DNAAF11: variants seen among roughly 807,000 people sequenced by gnomAD.
The protein encoded by DNAAF11 is dynein axonemal assembly factor 11, also known as leucine rich repeat containing 6.
A neutral mutation model predicts 60.8 loss-of-function variants in DNAAF11; 45 were observed. The observed-to-expected ratio is 0.74, with a 90% CI of 0.58 to 0.95. The LOEUF (loss-of-function observed/expected upper bound fraction) is 0.95. Ranked by LOEUF, DNAAF11 falls within the 40% of genes least tolerant of loss-of-function variation. DNAAF11 has a pLI of 0.00. For missense variants in DNAAF11, 546 were observed against 546.2 expected (o/e 1.00, Z 0.00); for synonymous variants, 191 against 183.5 (o/e 1.04, Z -0.33).
At chr8:132,633,146 T>C (rs962713442) in intron 4 of DNAAF11, among the ~76,000 whole-genome samples, 183 bp from the exon 5 acceptor site, 2 of 152,118 alleles carry the variant, frequency 1.3e-5, no homozygotes, top group Non-Finnish European at 2.9e-5. Flanking sequence ...ATTTACACAG[T>C]TTAAAAAATA....
intron 10 of DNAAF11, among the ~76,000 whole-genome samples, chr8:132,598,514 G>T (rs1817252887): frequency 6.6e-6 from 1 of 152,170 alleles, no homozygotes; most frequent in Non-Finnish European, 1.5e-5. Context: ...ATGAATGTAG[G>T]TGGTAAAGTC....
intron 1 of DNAAF11, among the ~76,000 whole-genome samples, chr8:132,673,993 CGAA>C (rs961525841): frequency 6.0e-5 from 9 of 149,726 alleles, no homozygotes; most frequent in African/African-American, 2.0e-4. Context: ...CATAAAAAAG[CGAA>C]GAAGAAGGAG....
Position 132,647,928 on chromosome 8 carries a change from G to A in DNAAF11, c.256+8902C>T, listed in dbSNP as rs146892713. ...GATTCACAGCCGAATTCTATCAGAG[G>A]TACAAAGAGGAGCTGGTACCATTCC... On this transcript the variant is annotated intron_variant, in intron 3 of 11. Coordinates refer to ENST00000620350, the MANE Select transcript of DNAAF11 (RefSeq NM_012472.6). 1.8e-3 allele frequency among the ~76,000 whole-genome samples: 268 copies of A among 152,250 alleles called. 4 individuals are homozygous for A. The highest frequency in any genetic ancestry group is 2.3e-3 in the East Asian group (12 of 5,176).
chr8:132,617,654 A>G (rs994162552), intron 7 of DNAAF11, among the ~76,000 whole-genome samples: 4 of 152,146 alleles, frequency 2.6e-5, no homozygotes, highest in African/African-American at 9.7e-5. Flanking sequence ...AACTTCCAAC[A>G]CTATGTTGAA....
At chr8:132,629,368 G>C (rs1483326959) in intron 5 of DNAAF11, among the ~76,000 whole-genome samples, 1 of 135,982 alleles carries the variant, frequency 7.4e-6, no homozygotes, top group African/African-American at 2.8e-5. Context: ...TTTTTTTTAA[G>C]ACGGAGTCTC....
intron 4 of DNAAF11, among the ~76,000 whole-genome samples, chr8:132,633,197 ATAAT>A (rs972673795): frequency 6.6e-6 from 1 of 152,146 alleles, no homozygotes; most frequent in Non-Finnish European, 1.5e-5. Flanking sequence ...GTTAAAACTG[ATAAT>A]TAATACAAGC....
chr8:132,596,554 T>C lies in DNAAF11; in HGVS notation c.1141-12775A>G, dbSNP rs139897248. Among the ~76,000 whole-genome samples, 43 of 152,298 alleles carry C rather than the reference T, an allele frequency of 2.8e-4. No individual in the cohort carries two copies. The East Asian group carries it at 7.9e-3, about 28-fold the overall frequency. ...TGCTAGAGACAGTCTCTAAACATGC[T>C]GGAGAGGGTTTTGTGCCTTAGGAAA... On this transcript the variant is annotated intron_variant, in intron 10 of 11. Transcript: ENST00000620350.
the DNAAF11 span, among the ~76,000 whole-genome samples, chr8:132,691,446 C>T: frequency 6.6e-6 from 1 of 152,060 alleles, no homozygotes; most frequent in Admixed American, 6.6e-5. Flanking sequence ...AGTTATTCTC[C>T]AAGGATCCTT....
rs564121848 is a variant in DNAAF11 at position 132,584,571 on chromosome 8, T to C, written c.1141-792A>G. Among the ~76,000 whole-genome samples the C allele has an allele frequency of 3.3e-5, 5 of 152,234 alleles. 1 individual carries two copies. The South Asian group carries it at 1.0e-3, about 32-fold the overall frequency. On this transcript the variant is annotated intron_variant, in intron 10 of 11. Coordinates refer to ENST00000620350, the MANE Select transcript of DNAAF11 (RefSeq NM_012472.6). ...TTGCTAGCAGGAGAAGTTTAAAAAC[T>C]CTCTTCTCATGTTGCCTGGGTCTGC...
At chr8:132,645,383 A>G (rs964837340) in intron 3 of DNAAF11, among the ~76,000 whole-genome samples, 1 of 152,200 alleles carries the variant, frequency 6.6e-6, no homozygotes, top group Admixed American at 6.5e-5. Flanking sequence ...AGATGGGGAG[A>G]AACCAGAGCA....
chr8:132,573,491 T>C (rs1563954589), intron 11 of DNAAF11, among the ~76,000 whole-genome samples: 1 of 152,222 alleles, frequency 6.6e-6, no homozygotes, highest in South Asian at 2.1e-4. Context: ...TACTGGTATC[T>C]TTGAAGCAAA....
chr8:132,631,956 G>A (rs1333851503), intron 5 of DNAAF11, among the ~76,000 whole-genome samples: 1 of 151,568 alleles, frequency 6.6e-6, no homozygotes, highest in Non-Finnish European at 1.5e-5. Flanking sequence ...CATGGCACAT[G>A]TATACATATG....
rs892831076 is a variant in DNAAF11 at position 132,583,573 on chromosome 8, A to G, written c.1226+121T>C. On this transcript the variant is annotated intron_variant, in intron 11 of 11. Coordinates refer to ENST00000620350, the MANE Select transcript of DNAAF11 (RefSeq NM_012472.6). ...GTTTGGGAAATAAACATTAACATTC[A>G]TGGTATGAATCATCTCAGAACTTTA... is the stretch of plus-strand genomic sequence containing the variant. 8 of 752,732 alleles carry G rather than the reference A, an allele frequency of 1.1e-5. No homozygotes were observed. In the South Asian group the frequency reaches 1.4e-4, roughly 13 times the overall value. 46.6% of individuals were successfully genotyped at this position (752,732 alleles called of 1,614,324 possible). A position where few individuals can be genotyped will look rare whatever the true frequency, so the allele number is the denominator to read the frequency against.
At chr8:132,626,739 T>A (rs566729794) in intron 5 of DNAAF11, among the ~76,000 whole-genome samples, 2 of 152,140 alleles carry the variant, frequency 1.3e-5, no homozygotes, top group East Asian at 3.9e-4. Flanking sequence ...TTAGATGACA[T>A]CAAATGAAAA....
chr8:132,600,133 A>C (rs1278687567), intron 10 of DNAAF11, among the ~76,000 whole-genome samples: 1 of 152,146 alleles, frequency 6.6e-6, no homozygotes, highest in East Asian at 1.9e-4. Context: ...CCAATAACAG[A>C]TGACAGAGAG....
chr8:132,646,606 G>A (rs4415287), intron 3 of DNAAF11, among the ~76,000 whole-genome samples: 2 of 152,136 alleles, frequency 1.3e-5, no homozygotes, highest in East Asian at 1.9e-4. Context: ...CACGTGCAGA[G>A]ACACACATTG....
intron 10 of DNAAF11, among the ~76,000 whole-genome samples, chr8:132,607,832 C>A (rs188638151): frequency 6.6e-6 from 1 of 152,024 alleles, no homozygotes; most frequent in Non-Finnish European, 1.5e-5. Context: ...CACACACACA[C>A]ATATATCACA....
At chr8:132,688,956 A>G in the DNAAF11 span, among the ~76,000 whole-genome samples, 5 of 152,338 alleles carry the variant, frequency 3.3e-5, no homozygotes, top group East Asian at 9.6e-4. Flanking sequence ...GTGTTTTGCC[A>G]GTTTCCTTAG....
At chr8:132,681,734 G>A in the DNAAF11 span, among the ~76,000 whole-genome samples, 3 of 152,134 alleles carry the variant, frequency 2.0e-5, no homozygotes, top group Non-Finnish European at 4.4e-5. Context: ...AATTTTAAAT[G>A]ATTGTCTTAA....
Sources: allele counts gnomAD v4.1 joint callset (sites outside exome capture counted in the v4.1 genomes callset), GRCh38; gene constraint gnomAD v4.1.1; transcripts MANE v1.5; gene names NCBI Gene and HGNC (gene_info 2026-07-23, HGNC 2026-07-21).